LIMCH1: variants seen among roughly 807,000 people sequenced by gnomAD.
LIMCH1 encodes LIM and calponin homology domains 1, also known as LIM and calponin homology domains-containing protein 1.
A neutral mutation model predicts 176.5 loss-of-function variants in LIMCH1; 113 were observed. The observed-to-expected ratio is 0.64, with a 90% confidence interval of 0.55 to 0.75. The LOEUF is 0.75. Among genes scored for constraint, LIMCH1 ranks in the 30% least tolerant of loss-of-function variants. The pLI, the probability that LIMCH1 is intolerant of heterozygous loss-of-function variation, is 0.00. For missense variants in LIMCH1, 1,674 were observed against 1,814.9 expected, an observed-to-expected ratio of 0.92 and a Z score of 1.41; for synonymous variants, 619 against 645.9, an observed-to-expected ratio of 0.96 and a Z score of 0.63.
chr4:41,603,062 G>A (rs1041031341), intron 2 of LIMCH1, among the ~76,000 whole-genome samples: 6 of 152,068 alleles, frequency 3.9e-5, no homozygotes, highest in African/African-American at 1.4e-4. Context: ...AGTGTATGCT[G>A]CAATGAAGTA....
At chr4:41,618,294 T>C (rs980537584) in intron 5 of LIMCH1, among the ~76,000 whole-genome samples, 7 of 152,170 alleles carry the variant, frequency 4.6e-5, no homozygotes, top group African/African-American at 1.7e-4. Context: ...TCTAATAAGA[T>C]GAGACTCAGG....
rs189596879 is a variant in LIMCH1, at chr4:41,604,974, T to C, written c.-102-920T>C. On this transcript the variant is annotated intron_variant, in intron 3 of 31. Coordinates refer to ENST00000503057, the MANE Select transcript of LIMCH1 (RefSeq NM_001330672.2). ...AAGTAGAAGGAGGCACAATAAGTAC[T>C]TCCCAGACTGGCTGAAGCGATAAGA... Among the ~76,000 whole-genome samples the C allele has an allele frequency of 1.6e-4, 25 of 152,162 alleles. No homozygotes were observed. In the East Asian group the frequency reaches 4.1e-3, roughly 25 times the overall value.
chr4:41,466,485 A>G (rs1414156735), intron 1 of LIMCH1, among the ~76,000 whole-genome samples: 1 of 152,198 alleles, frequency 6.6e-6, no homozygotes, highest in Non-Finnish European at 1.5e-5. Context: ...TTCTTGATTA[A>G]TTGATGAATT....
At chr4:41,670,393 T>C (rs765864288) in intron 21 of LIMCH1, among the ~76,000 whole-genome samples, 3 of 152,224 alleles carry the variant, frequency 2.0e-5, no homozygotes, top group African/African-American at 4.8e-5. Flanking sequence ...ATACAAATTA[T>C]ACATTTTTGT....
At chr4:41,464,533 C>G (rs991098659) in intron 1 of LIMCH1, among the ~76,000 whole-genome samples, 18 of 151,776 alleles carry the variant, frequency 1.2e-4, no homozygotes, top group Admixed American at 1.1e-3. Context: ...CGTGCCCCCA[C>G]CCTGGCTAAT....
chr4:41,661,326 C>A, intron 18 of LIMCH1, 94 bp from the exon 19 acceptor site: 1 of 848,182 alleles, frequency 1.2e-6, no homozygotes, highest in African/African-American at 1.7e-5. Context: ...ATGGCCAAAC[C>A]ACTTTGTTGA....
intron 22 of LIMCH1, 102 bp downstream of exon 22, chr4:41,671,696 CT>C: frequency 2.3e-6 from 2 of 878,066 alleles, no homozygotes; most frequent in Non-Finnish European, 3.8e-6. Flanking sequence ...CAGGCGGTGG[CT>C]CACGCCTGTA....
chr4:41,586,089 C>T (rs1216025320), intron 1 of LIMCH1, among the ~76,000 whole-genome samples: 2 of 133,566 alleles, frequency 1.5e-5, no homozygotes, highest in African/African-American at 5.7e-5. Flanking sequence ...TCCTCCCCTC[C>T]CCTCCACTCC....
chr4:41,519,994 T>A (rs1409521782), intron 2 of LIMCH1, among the ~76,000 whole-genome samples: 2 of 152,242 alleles, frequency 1.3e-5, no homozygotes, highest in Non-Finnish European at 2.9e-5. Flanking sequence ...TTATTGGTGA[T>A]GTTTTATCTA....
intron 18 of LIMCH1, among the ~76,000 whole-genome samples, chr4:41,660,707 C>G (rs762458551): frequency 2.6e-5 from 4 of 152,164 alleles, no homozygotes; most frequent in Non-Finnish European, 5.9e-5. Context: ...CTCTGATGGA[C>G]TCTCACAGCT....
chr4:41,639,220 A>C (rs761706222), intron 14 of LIMCH1, among the ~76,000 whole-genome samples: 2 of 152,202 alleles, frequency 1.3e-5, no homozygotes, highest in Non-Finnish European at 2.9e-5. Context: ...TAGACTGGGC[A>C]TGTTAAAGTC....
At chr4:41,433,020 A>G (rs977516553) in intron 1 of LIMCH1, among the ~76,000 whole-genome samples, 3 of 152,250 alleles carry the variant, frequency 2.0e-5, no homozygotes, top group East Asian at 1.9e-4. Context: ...CACTGATGTC[A>G]AAAGACTTTG....
At chr4:41,481,979 T>A (rs554932671) in intron 1 of LIMCH1, among the ~76,000 whole-genome samples, 6 of 152,040 alleles carry the variant, frequency 3.9e-5, no homozygotes, top group Non-Finnish European at 8.8e-5. Flanking sequence ...GCCTCCTGAA[T>A]AGCTGGGATT....
intron 1 of LIMCH1, among the ~76,000 whole-genome samples, chr4:41,406,066 G>T (rs1296128510): frequency 6.6e-6 from 1 of 152,092 alleles, no homozygotes; most frequent in African/African-American, 2.4e-5. Flanking sequence ...ACACAAAAAA[G>T]GAGCTTTTTG....
chr4:41,563,260 T>C (rs2152560839), intron 1 of LIMCH1, among the ~76,000 whole-genome samples: 1 of 152,188 alleles, frequency 6.6e-6, no homozygotes, highest in South Asian at 2.1e-4. Context: ...ATTCAAGAGA[T>C]TATGGATAAA....
rs1437364698 is a variant in LIMCH1, at chr4:41,699,756, C to G, written c.*2571C>G. 1 of 152,120 alleles carries G rather than the reference C, an allele frequency of 6.6e-6. No homozygotes were observed. Among genetic ancestry groups the G allele is most frequent in the African/African-American group, 2.4e-5 (1 of 41,436 alleles). 9.4% of individuals were successfully genotyped at this position (152,120 alleles called of 1,614,324 possible). The stretch of plus-strand genomic sequence containing the variant: ...CTTTTTGTTTTTCACTAGCGAACTT[C>G]CATGACATTTCCTTTCTATGTAGTG... On this transcript the variant is annotated 3_prime_UTR_variant, in exon 32 of 32. Coordinates refer to ENST00000503057, the MANE Select transcript of LIMCH1 (RefSeq NM_001330672.2).
chr4:41,697,265 C>T lies in LIMCH1; in HGVS notation c.*80C>T. The T allele has an allele frequency of 1.5e-6, 2 of 1,318,282 alleles. No individual in the cohort carries two copies. The highest frequency in any genetic ancestry group is 1.7e-5 in the Admixed American group (1 of 58,462). The allele number at this position is 1,318,282 out of a possible 1,614,324, so 81.7% of individuals were successfully genotyped here. A position where few individuals can be genotyped will look rare whatever the true frequency, so the allele number is the denominator to read the frequency against. ...GGCAACTGCTTAACAAAATCCCAAGCTCAGGGGCTTCTCAGCATTTACCTA... is the reference window on the plus strand; with the variant it reads ...GGCAACTGCTTAACAAAATCCCAAGTTCAGGGGCTTCTCAGCATTTACCTA... On this transcript the variant is annotated 3_prime_UTR_variant, in exon 32 of 32. Coordinates refer to ENST00000503057, the MANE Select transcript of LIMCH1 (RefSeq NM_001330672.2).
Position 41,448,935 on chromosome 4 carries a change from GAAAAT to G in LIMCH1, c.97-45596_97-45592del, listed in dbSNP as rs533853237. ...ACTTCTATTTCAGGCTTTAAAAAAA[GAAAAT>G]AAAACATTTGTAAATGATGTATGCC... is the stretch of plus-strand genomic sequence containing the variant. On this transcript the variant is annotated intron_variant, in intron 1 of 26. Transcript: ENST00000313860. Among the ~76,000 whole-genome samples the G allele has an allele frequency of 4.4e-3, 669 of 151,902 alleles. 2 individuals are homozygous for G. The highest frequency in any genetic ancestry group is 0.016 in the African/African-American group (646 of 41,434).
At chr4:41,575,624 G>A (rs2084334648) in intron 1 of LIMCH1, among the ~76,000 whole-genome samples, 1 of 152,180 alleles carries the variant, frequency 6.6e-6, no homozygotes. Flanking sequence ...AGATGTTTAA[G>A]GTTAGGGCCT....
Sources: gnomAD v4.1 joint callset for allele counts (sites outside exome capture counted in the v4.1 genomes callset) on GRCh38, gnomAD v4.1.1 for gene constraint, MANE v1.5 for transcripts, NCBI Gene and HGNC (gene_info 2026-07-23, HGNC 2026-07-21) for gene names.